The following SLA variants were observed in gnomAD, a reference collection of about 807,000 sequenced individuals.
SLA encodes Src like adaptor, also known as src-like-adapter.
SLA carries 16 observed loss-of-function variants against 30.3 expected under a neutral mutation model. The observed-to-expected ratio is 0.53, with a 90% CI of 0.36 to 0.80. SLA has a LOEUF of 0.80. Among genes scored for constraint, SLA ranks in the 30% least tolerant of loss-of-function variants. SLA has a pLI of 0.01. For synonymous variants in SLA, 143 were observed against 137.8 expected, an observed-to-expected ratio of 1.04 and a Z score of -0.26; for missense variants, 310 against 345.2, an observed-to-expected ratio of 0.90 and a Z score of 0.81.
chr8:133,090,718 G>A (rs552342487), intron 1 of SLA, among the ~76,000 whole-genome samples: 21 of 152,184 alleles, frequency 1.4e-4, no homozygotes, highest in Admixed American at 3.3e-4. Context: ...CTCTGTGAAC[G>A]CTGATCATAA....
intron 1 of SLA, among the ~76,000 whole-genome samples, chr8:133,080,513 C>T (rs917103890): frequency 1.3e-5 from 2 of 152,184 alleles, no homozygotes; most frequent in Non-Finnish European, 2.9e-5. Context: ...TTCCCATCCT[C>T]TTTCAGCCCT....
At chr8:133,091,452 G>A (rs1847513552) in intron 1 of SLA, among the ~76,000 whole-genome samples, 1 of 152,128 alleles carries the variant, frequency 6.6e-6, no homozygotes. Flanking sequence ...GCTTGTCCGG[G>A]TAGCTGCCCA....
intron 1 of SLA, among the ~76,000 whole-genome samples, chr8:133,081,367 C>T (rs1423845933): frequency 1.3e-5 from 2 of 152,216 alleles, no homozygotes; most frequent in Non-Finnish European, 2.9e-5. Flanking sequence ...CTTTTCACCT[C>T]TGGGGAAGAC....
chr8:133,040,232 C>A, intron 7 of SLA, 102 bp from the exon 8 acceptor site: 1 of 1,282,390 alleles, frequency 7.8e-7, no homozygotes. Context: ...CTGGCTGCTG[C>A]CATGGGGAAC....
intron 2 of SLA, among the ~76,000 whole-genome samples, chr8:133,065,910 G>T (rs1481526636): frequency 2.6e-5 from 4 of 152,334 alleles, no homozygotes; most frequent in African/African-American, 7.2e-5. Context: ...GGCAGTGTTT[G>T]GAAGCCCGGG....
At chr8:133,073,887 A>G (rs534340934) in intron 2 of SLA, among the ~76,000 whole-genome samples, 5 of 152,228 alleles carry the variant, frequency 3.3e-5, no homozygotes, top group South Asian at 2.1e-4. Context: ...TCAAAAGCAA[A>G]TAACAATCAC....
chr8:133,099,939 G>A (rs915416467), intron 1 of SLA, among the ~76,000 whole-genome samples: 1 of 152,146 alleles, frequency 6.6e-6, no homozygotes, highest in African/African-American at 2.4e-5. Flanking sequence ...GAGAAGCACA[G>A]TAGCCAGAGC....
At chr8:133,063,049 T>G (rs1313235733) in intron 2 of SLA, among the ~76,000 whole-genome samples, 1 of 152,246 alleles carries the variant, frequency 6.6e-6, no homozygotes, top group Non-Finnish European at 1.5e-5. Context: ...TTTGGGCTTC[T>G]GGGGAAAGTT....
chr8:133,078,023 G>T (rs1437286499), intron 1 of SLA, among the ~76,000 whole-genome samples: 1 of 152,194 alleles, frequency 6.6e-6, no homozygotes, highest in Non-Finnish European at 1.5e-5. Flanking sequence ...GTAAAGTGCT[G>T]CCCTGAGGGC....
chr8:133,053,924 C>T (rs1259981748), intron 3 of SLA, among the ~76,000 whole-genome samples: 2 of 152,134 alleles, frequency 1.3e-5, no homozygotes, highest in African/African-American at 4.8e-5. Context: ...ATAACCTGTG[C>T]CTGATCCTTT....
intron 1 of SLA, among the ~76,000 whole-genome samples, chr8:133,092,691 C>T (rs1396748714): frequency 1.3e-5 from 2 of 152,138 alleles, no homozygotes; most frequent in African/African-American, 2.4e-5. Flanking sequence ...GGGTTCAAAC[C>T]GAGCCCTTCT....
chr8:133,062,692 G>T (rs2131348320), intron 2 of SLA, among the ~76,000 whole-genome samples: 1 of 151,728 alleles, frequency 6.6e-6, no homozygotes, highest in South Asian at 2.1e-4. Context: ...CAGGAAGCAT[G>T]CCTGTGACAC....
In SLA at chr8:133,041,938, C is replaced by A. The variant is rs901096806; in HGVS notation, c.485-1808G>T. On this transcript the variant is annotated intron_variant, in intron 7 of 8. Coordinates refer to ENST00000338087, the MANE Select transcript of SLA (RefSeq NM_001045556.3). ...GAGTAGCTGGGATTACAGTTGCATG[C>A]CACCACACCTGGCTAATTTTTTGTA... 2.0e-5 allele frequency among the ~76,000 whole-genome samples: 3 copies of A among 151,934 alleles called. No homozygotes were observed. The East Asian group carries it at 5.8e-4, about 29-fold the overall frequency.
intron 1 of SLA, among the ~76,000 whole-genome samples, chr8:133,089,267 C>T (rs1209615964): frequency 6.6e-6 from 1 of 152,238 alleles, no homozygotes; most frequent in African/African-American, 2.4e-5. Flanking sequence ...TGGTGTTCCA[C>T]ACCTTGTGCT....
chr8:133,076,418 T>A (rs1326490076), intron 1 of SLA, among the ~76,000 whole-genome samples: 1 of 152,176 alleles, frequency 6.6e-6, no homozygotes, highest in African/African-American at 2.4e-5. Context: ...CACTCTGCAC[T>A]AGAGAGATGG....
At chr8:133,070,029 A>AAAAAAAAAAAAAAAAAAAAAAAC (rs376711807) in intron 2 of SLA, among the ~76,000 whole-genome samples, 2 of 109,812 alleles carry the variant, frequency 1.8e-5, no homozygotes, top group African/African-American at 7.8e-5. Flanking sequence ...AAAAAAAAGA[A>AAAAAAAAAAAAAAAAAAAAAAAC]AGAAAGAAAG....
intron 3 of SLA, among the ~76,000 whole-genome samples, chr8:133,052,081 G>A (rs149102657): frequency 3.5e-4 from 53 of 152,260 alleles, no homozygotes; most frequent in Admixed American, 5.9e-4. Flanking sequence ...AGGCATGTGG[G>A]CTTTGGGGCC....
At position 133,087,386 on chromosome 8, in the gene SLA, G is replaced by A. The variant is rs149038864; in HGVS notation, c.-318-12256C>T. Among the ~76,000 whole-genome samples the A allele has an allele frequency of 1.4e-4, 21 of 152,262 alleles. No homozygotes were observed. The East Asian group carries it at 4.0e-3, about 29-fold the overall frequency. On this transcript the variant is annotated intron_variant, in intron 1 of 8. Coordinates refer to ENST00000338087, the MANE Select transcript of SLA (RefSeq NM_001045556.3). Reference sequence around the variant, plus strand: ...TTGTGCCTATCTGTGAAGACAGCAAGGCTTATTGCTGGACCTCTTATCTCA... The same window carrying A: ...TTGTGCCTATCTGTGAAGACAGCAAAGCTTATTGCTGGACCTCTTATCTCA...
intron 5 of SLA, chr8:133,049,164 C>T (rs1323132531): frequency 2.2e-6 from 1 of 456,490 alleles, no homozygotes; most frequent in South Asian, 1.5e-5. Flanking sequence ...CAGGAGGCTG[C>T]AGAGGCCTCA....
Sources: allele counts gnomAD v4.1 joint callset (sites outside exome capture counted in the v4.1 genomes callset), GRCh38; gene constraint gnomAD v4.1.1; transcripts MANE v1.5; gene names NCBI Gene and HGNC (gene_info 2026-07-23, HGNC 2026-07-21).